PIK3CB: variants seen among roughly 807,000 people sequenced by gnomAD.
The protein encoded by PIK3CB is phosphatidylinositol 4,5-bisphosphate 3-kinase catalytic subunit beta isoform.
Under a neutral mutation model 136.8 loss-of-function variants are expected in PIK3CB, and 39 were observed. The observed-to-expected ratio is 0.29, with a 90% confidence interval of 0.22 to 0.37. PIK3CB has a LOEUF of 0.37. Among genes scored for constraint, PIK3CB ranks in the 10% least tolerant of loss-of-function variants. The pLI is 1.00. For synonymous variants in PIK3CB, 428 were observed against 436.6 expected, an observed-to-expected ratio of 0.98 and a Z score of 0.25; for missense variants, 868 against 1,275.4, an observed-to-expected ratio of 0.68 and a Z score of 4.87.
chr3:138,688,479 C>T (rs547386971), intron 16 of PIK3CB, among the ~76,000 whole-genome samples: 1 of 105,232 alleles, frequency 9.5e-6, no homozygotes, highest in South Asian at 3.4e-4. Context: ...CCAGCCTGGG[C>T]AACAGAGCGA....
intron 15 of PIK3CB, among the ~76,000 whole-genome samples, chr3:138,690,317 A>G (rs1304240721): frequency 6.6e-6 from 1 of 151,918 alleles, no homozygotes; most frequent in Non-Finnish European, 1.5e-5. Flanking sequence ...TTTTTTTCTG[A>G]CAAGCATTAG....
intron 19 of PIK3CB, among the ~76,000 whole-genome samples, chr3:138,672,318 T>C (rs1340233973): frequency 6.6e-6 from 1 of 152,014 alleles, no homozygotes; most frequent in African/African-American, 2.4e-5. Context: ...CTTCCCACAC[T>C]CTCTTATGAG....
chr3:138,731,295 G>A (rs543480107), intron 8 of PIK3CB, among the ~76,000 whole-genome samples: 7 of 151,548 alleles, frequency 4.6e-5, no homozygotes, highest in East Asian at 2.0e-4. Context: ...CTCTGTCACC[G>A]GGGTGGAAGG....
chr3:138,695,442 G>A (rs1250500604), intron 13 of PIK3CB, among the ~76,000 whole-genome samples: 3 of 152,080 alleles, frequency 2.0e-5, no homozygotes, highest in East Asian at 1.9e-4. Flanking sequence ...TTTATTCTCC[G>A]ACCAATTAAG....
At chr3:138,807,296 T>C (rs1320943367) in intron 1 of PIK3CB, among the ~76,000 whole-genome samples, 4 of 151,924 alleles carry the variant, frequency 2.6e-5, no homozygotes, top group Non-Finnish European at 4.4e-5. Flanking sequence ...TAGCCAGGTG[T>C]GGTGGCACAC....
chr3:138,779,608 G>C (rs1438664156), intron 2 of PIK3CB, among the ~76,000 whole-genome samples: 1 of 151,322 alleles, frequency 6.6e-6, no homozygotes, highest in Non-Finnish European at 1.5e-5. Flanking sequence ...GCCCAGGCTG[G>C]TCTCGAACTC....
intron 2 of PIK3CB, among the ~76,000 whole-genome samples, chr3:138,788,137 G>A (rs532303866): frequency 4.3e-4 from 65 of 151,626 alleles, no homozygotes; most frequent in Middle Eastern, 3.4e-3. Context: ...TGGCCAGGCC[G>A]GTCTCTAACT....
At chr3:138,756,509 A>G (rs1192320778) in intron 3 of PIK3CB, among the ~76,000 whole-genome samples, 1 of 152,180 alleles carries the variant, frequency 6.6e-6, no homozygotes, top group Non-Finnish European at 1.5e-5. Context: ...TTCTTTTATC[A>G]GGGGTATCCT....
chr3:138,784,242 T>C (rs1479079886), intron 2 of PIK3CB, among the ~76,000 whole-genome samples: 1 of 152,102 alleles, frequency 6.6e-6, no homozygotes, highest in African/African-American at 2.4e-5. Context: ...AAAAATTAGC[T>C]GGGTGCAGTG....
chr3:138,834,832 C>CA lies in PIK3CB; in HGVS notation c.-260dup, dbSNP rs1291059983. ...CTCCCGCCTGCCCCGCGCAGCACTA[C>CA]ACTCGCCCCCTCCCCACTGCCATGG... On this transcript the variant is annotated 5_prime_UTR_variant, in exon 1 of 24. It removes the in-frame stop codon of an upstream open reading frame in the 5' UTR. Coordinates refer to ENST00000674063, the MANE Select transcript of PIK3CB (RefSeq NM_006219.3). 1 of 152,292 alleles carries CA rather than the reference C, an allele frequency of 6.6e-6. No individual in the cohort carries two copies. The highest frequency in any genetic ancestry group is 1.5e-5 in the Non-Finnish European group (1 of 68,520). The allele number at this position is 152,292 out of a possible 1,614,324, so 9.4% of individuals were successfully genotyped here. A position where few individuals can be genotyped will look rare whatever the true frequency, so the allele number is the denominator to read the frequency against.
At chr3:138,669,169 T>C (rs906950196) in intron 19 of PIK3CB, among the ~76,000 whole-genome samples, 1 of 152,098 alleles carries the variant, frequency 6.6e-6, no homozygotes, top group Admixed American at 6.6e-5. Flanking sequence ...CCTAGCACTT[T>C]GGGAGGCCAA....
Position 138,712,214 on chromosome 3 carries a change from A to G in PIK3CB, c.1393T>C (p.Phe465Leu). ...ATAAGAATGTAAATCTTACCAGGAA[A>G]TGAAGACCAGCTGTGTAATATTATG... ...GDIILHSWSS[F>L]PDELEEMLNP... Residue 465 changes from phenylalanine (F) to leucine (L), a missense_variant, in exon 10 of 24, where the codon TTT becomes CTT. This residue lies in a region of PIK3CB where 612 missense variants were observed against 801.1 expected (regional missense o/e 0.76). Transcript: ENST00000674063. The G allele has an allele frequency of 3.9e-6, 6 of 1,526,804 alleles. No individual in the cohort carries two copies. Among genetic ancestry groups the G allele is most frequent in the Non-Finnish European group, 5.4e-6 (6 of 1,111,292 alleles). 94.6% of individuals were successfully genotyped at this position (1,526,804 alleles called of 1,614,324 possible).
chr3:138,736,462 T>C (rs1357740752), intron 6 of PIK3CB, among the ~76,000 whole-genome samples: 1 of 152,192 alleles, frequency 6.6e-6, no homozygotes, highest in Non-Finnish European at 1.5e-5. Flanking sequence ...TATCACAAAA[T>C]AACAAGACTT....
intron 2 of PIK3CB, among the ~76,000 whole-genome samples, chr3:138,788,744 C>T (rs1428875799): frequency 6.6e-6 from 1 of 150,732 alleles, no homozygotes; most frequent in African/African-American, 2.4e-5. Flanking sequence ...GGGCGGATCA[C>T]CTGAGGTCAG....
chr3:138,659,653 T>C (rs986166289), intron 21 of PIK3CB, among the ~76,000 whole-genome samples: 3 of 152,158 alleles, frequency 2.0e-5, no homozygotes, highest in Non-Finnish European at 4.4e-5. Context: ...ACTTCTAAAC[T>C]CTGGTATGTG....
At position 138,714,433 on chromosome 3, in the gene PIK3CB, T is replaced by C. The variant is rs368790276; in HGVS notation, c.1302+35A>G. 1.8e-5 allele frequency: 26 copies of C among 1,454,900 alleles called. 1 individual carries two copies. The highest frequency in any genetic ancestry group is 1.8e-4 in the South Asian group (14 of 78,958). The allele number at this position is 1,454,900 out of a possible 1,614,324, so 90.1% of individuals were successfully genotyped here. ...AAACAGTCTTAAAATTATTCCGTTATATAAAACAATCCTCAGAAGTTGGTA... is the reference window on the plus strand; with the variant it reads ...AAACAGTCTTAAAATTATTCCGTTACATAAAACAATCCTCAGAAGTTGGTA... On this transcript the variant is annotated intron_variant, in intron 9 of 23. Transcript: ENST00000674063.
chr3:138,668,038 A>G (rs2043452294), intron 19 of PIK3CB, among the ~76,000 whole-genome samples: 2 of 152,012 alleles, frequency 1.3e-5, no homozygotes, highest in African/African-American at 2.4e-5. Context: ...ATTGCACTCC[A>G]GCCTGGGCAA....
chr3:138,828,116 C>G (rs755587298), intron 1 of PIK3CB, among the ~76,000 whole-genome samples: 2 of 151,582 alleles, frequency 1.3e-5, no homozygotes, highest in Non-Finnish European at 2.9e-5. Context: ...ATACATTGTA[C>G]ATTCAATCAA....
chr3:138,718,859 T>C (rs2044666461), intron 8 of PIK3CB, among the ~76,000 whole-genome samples: 1 of 152,216 alleles, frequency 6.6e-6, no homozygotes, highest in African/African-American at 2.4e-5. Context: ...GTCGTAGGTG[T>C]GCAGCCTTAT....
Sources: gnomAD v4.1 joint callset for allele counts (sites outside exome capture counted in the v4.1 genomes callset) on GRCh38, gnomAD v4.1.1 for gene constraint, gnomAD v4.1.1 regional missense constraint, MANE v1.5 for transcripts, NCBI Gene and HGNC (gene_info 2026-07-23, HGNC 2026-07-21) for gene names.